Variants in MAP3K7 observed in about 807,000 individuals in gnomAD.
MAP3K7 encodes the protein TGF-beta activated kinase 1.
In MAP3K7, 21 loss-of-function variants were observed where a neutral mutation model predicts 84.8. The ratio of observed to expected loss-of-function variants is 0.25; its 90% CI spans 0.18 to 0.36. The LOEUF (loss-of-function observed/expected upper bound fraction) is 0.36. Ranked by LOEUF, MAP3K7 falls within the 10% of genes least tolerant of loss-of-function variation. The pLI is 1.00. For synonymous variants in MAP3K7, 241 were observed against 247.7 expected, an observed-to-expected ratio of 0.97 and a Z score of 0.25; for missense variants, 503 against 747.7, an observed-to-expected ratio of 0.67 and a Z score of 3.82.
Position 90,516,392 on chromosome 6 carries a change from T to A in MAP3K7, c.*109A>T. 1 of 1,143,578 alleles carries A rather than the reference T, an allele frequency of 8.7e-7. No homozygotes were observed. The highest frequency in any genetic ancestry group is 1.3e-6 in the Non-Finnish European group (1 of 784,528). The allele number at this position is 1,143,578 out of a possible 1,614,324, so 70.8% of individuals were successfully genotyped here. ...TGCAGCAAATATAGGCAGTTGGCATTCAGAACACGCCAAAAAGCTAACACT... is the reference window on the plus strand; with the variant it reads ...TGCAGCAAATATAGGCAGTTGGCATACAGAACACGCCAAAAAGCTAACACT... On this transcript the variant is annotated 3_prime_UTR_variant, in exon 17 of 17. Transcript: ENST00000369329.
chr6:90,576,439 A>T (rs993919069), intron 1 of MAP3K7, among the ~76,000 whole-genome samples: 20 of 135,456 alleles, frequency 1.5e-4, no homozygotes, highest in South Asian at 1.3e-3. Flanking sequence ...ACACACACAC[A>T]CACACACACA....
At chr6:90,561,057 A>C (rs1382057763) in intron 4 of MAP3K7, among the ~76,000 whole-genome samples, 1 of 151,782 alleles carries the variant, frequency 6.6e-6, no homozygotes, top group African/African-American at 2.4e-5. Context: ...AAATAATACT[A>C]ATTAAAAAAT....
At chr6:90,522,559 C>T (rs1775186168) in intron 14 of MAP3K7, among the ~76,000 whole-genome samples, 1 of 152,138 alleles carries the variant, frequency 6.6e-6, no homozygotes, top group African/African-American at 2.4e-5. Flanking sequence ...ATGAATTCTA[C>T]ACATGTGCTG....
At chr6:90,521,114 G>A (rs35100323) in intron 14 of MAP3K7, among the ~76,000 whole-genome samples, 1,736 of 152,054 alleles carry the variant, frequency 0.011, 36 homozygotes, top group African/African-American at 0.04. Flanking sequence ...GGAACTTAAG[G>A]TCCTTCATTG....
chr6:90,543,143 T>C (rs1582189589), intron 12 of MAP3K7, among the ~76,000 whole-genome samples: 1 of 152,224 alleles, frequency 6.6e-6, no homozygotes, highest in Non-Finnish European at 1.5e-5. Flanking sequence ...TTATACACAG[T>C]ACCTTTCCGC....
At chr6:90,579,938 C>T (rs1471667624) in intron 1 of MAP3K7, among the ~76,000 whole-genome samples, 3 of 152,212 alleles carry the variant, frequency 2.0e-5, no homozygotes, top group Non-Finnish European at 4.4e-5. Flanking sequence ...TTACTGTCTG[C>T]ACTCCACCTC....
At chr6:90,586,369 A>C (rs1165538349) in intron 1 of MAP3K7, among the ~76,000 whole-genome samples, 1 of 99,054 alleles carries the variant, frequency 1.0e-5, no homozygotes, top group East Asian at 2.8e-4. Context: ...ACAGAGCGAG[A>C]CTCCGTCTCA....
At chr6:90,580,411 G>A (rs1295260764) in intron 1 of MAP3K7, among the ~76,000 whole-genome samples, 2 of 152,184 alleles carry the variant, frequency 1.3e-5, no homozygotes, top group African/African-American at 2.4e-5. Context: ...CAAATCAAAC[G>A]TGCTTTCTGA....
chr6:90,559,986 A>C (rs1190565689), intron 5 of MAP3K7, 90 bp downstream of exon 5: 4 of 1,442,350 alleles, frequency 2.8e-6, no homozygotes, highest in African/African-American at 1.4e-5. Context: ...CCTGTACAAT[A>C]ATGAGCTTGA....
intron 13 of MAP3K7, among the ~76,000 whole-genome samples, chr6:90,535,520 T>C (rs1291056714): frequency 6.6e-6 from 1 of 151,998 alleles, no homozygotes; most frequent in Non-Finnish European, 1.5e-5. Context: ...AACTTATTCT[T>C]GTACAGCTGA....
chr6:90,579,057 CAG>C lies in MAP3K7; in HGVS notation c.121-7252_121-7251del, dbSNP rs562385718. ...TTCAAGGATCATGTAATTAGTAAATCAGAGTCAGCTTTCAGGTATGTTTCATG... is the reference window on the plus strand; with the variant it reads ...TTCAAGGATCATGTAATTAGTAAATCAGTCAGCTTTCAGGTATGTTTCATG... On this transcript the variant is annotated intron_variant, in intron 1 of 16. Transcript: ENST00000369329. Among the ~76,000 whole-genome samples the C allele has an allele frequency of 2.1e-3, 325 of 152,234 alleles. 3 individuals carry two copies. The highest frequency in any genetic ancestry group is 3.0e-3 in the Non-Finnish European group (207 of 68,016).
chr6:90,575,627 C>A (rs562743743), intron 1 of MAP3K7, among the ~76,000 whole-genome samples: 1 of 151,968 alleles, frequency 6.6e-6, no homozygotes, highest in Non-Finnish European at 1.5e-5. Flanking sequence ...AAGGAGGCTG[C>A]GGTAGGGCAG....
intron 1 of MAP3K7, among the ~76,000 whole-genome samples, chr6:90,575,156 T>C (rs550501153): frequency 2.0e-5 from 3 of 152,190 alleles, no homozygotes; most frequent in South Asian, 4.2e-4. Context: ...AGCATAAAGG[T>C]AGATACACTG....
intron 1 of MAP3K7, among the ~76,000 whole-genome samples, chr6:90,574,263 ATTTCT>A (rs746272495): frequency 1.3e-5 from 2 of 152,080 alleles, no homozygotes; most frequent in Non-Finnish European, 2.9e-5. Context: ...TGTAGTACTC[ATTTCT>A]TTTCTTTCTT....
intron 12 of MAP3K7, among the ~76,000 whole-genome samples, chr6:90,541,975 T>C (rs1324497396): frequency 6.6e-6 from 1 of 152,006 alleles, no homozygotes; most frequent in Non-Finnish European, 1.5e-5. Flanking sequence ...ACGAAACTCT[T>C]ATCCATGTAA....
intron 9 of MAP3K7, among the ~76,000 whole-genome samples, chr6:90,548,964 TA>T (rs1776092381): frequency 6.6e-6 from 1 of 152,022 alleles, no homozygotes. Context: ...AGTACTGGCA[TA>T]ATACGTCTGA....
In MAP3K7 at chr6:90,586,962, G is replaced by A; in HGVS notation, c.-79C>T. On this transcript the variant is annotated 5_prime_UTR_variant, in exon 1 of 17. Coordinates refer to ENST00000369329, the MANE Select transcript of MAP3K7 (RefSeq NM_145331.3). ...GTGAGACCCGCGCCCACCCGCCTCC[G>A]GACCGACCCTCAGCCTGGAGCCGCG... The A allele has an allele frequency of 6.9e-7, 1 of 1,451,280 alleles. No homozygotes were observed. The highest frequency in any genetic ancestry group is 9.0e-7 in the Non-Finnish European group (1 of 1,106,786). 89.9% of individuals were successfully genotyped at this position (1,451,280 alleles called of 1,614,324 possible). A position where few individuals can be genotyped will look rare whatever the true frequency, so the allele number is the denominator to read the frequency against.
At chr6:90,555,547 G>A (rs989397540) in intron 6 of MAP3K7, among the ~76,000 whole-genome samples, 2 of 152,064 alleles carry the variant, frequency 1.3e-5, no homozygotes, top group Admixed American at 1.3e-4. Flanking sequence ...GAGCCACCGC[G>A]CCCAGCTATT....
chr6:90,534,577 T>C (rs140922471), intron 13 of MAP3K7, among the ~76,000 whole-genome samples: 60 of 152,268 alleles, frequency 3.9e-4, no homozygotes, highest in African/African-American at 6.7e-4. Flanking sequence ...CCCACACCCA[T>C]AGTTGGCCTC....
Sources: allele counts gnomAD v4.1 joint callset (sites outside exome capture counted in the v4.1 genomes callset), GRCh38; gene constraint gnomAD v4.1.1; transcripts MANE v1.5; gene names NCBI Gene and HGNC (gene_info 2026-07-23, HGNC 2026-07-21).